Variants in FRMD6 observed in about 807,000 individuals in gnomAD.
FRMD6 encodes the protein FERM domain-containing protein 6.
A neutral mutation model predicts 73.2 loss-of-function variants in FRMD6; 37 were observed. The ratio of observed to expected loss-of-function variants is 0.51; its 90% confidence interval spans 0.39 to 0.66. FRMD6 has a LOEUF of 0.66. Ranked by LOEUF, FRMD6 falls within the 30% of genes least tolerant of loss-of-function variation. FRMD6 has a pLI of 0.00. For missense variants in FRMD6, 714 were observed against 780.5 expected, an observed-to-expected ratio of 0.91 and a Z score of 1.02; for synonymous variants, 273 against 282.2, an observed-to-expected ratio of 0.97 and a Z score of 0.33.
chr14:51,685,421 T>G (rs1212426532), intron 1 of FRMD6, among the ~76,000 whole-genome samples: 1 of 152,226 alleles, frequency 6.6e-6, no homozygotes, highest in Admixed American at 6.5e-5. Context: ...TATCATATGC[T>G]TATTGTCTGT....
the FRMD6 span, among the ~76,000 whole-genome samples, chr14:51,400,542 C>A: frequency 6.6e-6 from 1 of 152,250 alleles, no homozygotes; most frequent in African/African-American, 2.4e-5. Flanking sequence ...TTTATCCAGT[C>A]TTTCTAAAAA....
intron 1 of FRMD6, among the ~76,000 whole-genome samples, chr14:51,520,524 C>T (rs904075503): frequency 6.6e-6 from 1 of 152,182 alleles, no homozygotes; most frequent in African/African-American, 2.4e-5. Context: ...TAGTCAAATA[C>T]TAGAAACACC....
the FRMD6 span, among the ~76,000 whole-genome samples, chr14:51,469,507 G>A: frequency 6.6e-6 from 1 of 150,924 alleles, no homozygotes; most frequent in African/African-American, 2.4e-5. Flanking sequence ...CAGCTACTCG[G>A]GAGGCTGAGG....
At chr14:51,603,053 CCCTCATGA>C (rs1890101579) in intron 2 of FRMD6, among the ~76,000 whole-genome samples, 1 of 152,172 alleles carries the variant, frequency 6.6e-6, no homozygotes, top group African/African-American at 2.4e-5. Flanking sequence ...GAGGGCTGAG[CCCTCATGA>C]ATGAGATTAG....
chr14:51,421,882 G>T, the FRMD6 span, among the ~76,000 whole-genome samples: 1 of 152,166 alleles, frequency 6.6e-6, no homozygotes, highest in Non-Finnish European at 1.5e-5. Context: ...CCCTTGCTCT[G>T]GTGGCACTTG....
chr14:51,708,164 T>C lies in FRMD6; in HGVS notation c.645T>C (p.Ala215=). The C allele has an allele frequency of 6.2e-7, 1 of 1,613,296 alleles. No homozygotes were observed. The highest frequency in any genetic ancestry group is 8.5e-7 in the Non-Finnish European group (1 of 1,179,486). Residue 215 remains alanine (A), a synonymous_variant, in exon 7 of 14, where the codon GCT becomes GCC. Coordinates refer to ENST00000344768, the MANE Select transcript of FRMD6 (RefSeq NM_001267046.2). ...KDQFALTASE[A]HLKYIKEAVR... ...AGTTTGCACTAACAGCTTCCGAAGC[T>C]CATCTTAAATATATCAAAGAGGCTG... is the stretch of plus-strand genomic sequence containing the variant.
At chr14:51,468,923 T>C in the FRMD6 span, among the ~76,000 whole-genome samples, 1 of 152,114 alleles carries the variant, frequency 6.6e-6, no homozygotes, top group Non-Finnish European at 1.5e-5. Flanking sequence ...TTACATTTGG[T>C]TTTTTTGTTT....
intron 2 of FRMD6, among the ~76,000 whole-genome samples, chr14:51,587,377 A>G (rs1406609670): frequency 6.6e-6 from 1 of 152,184 alleles, no homozygotes; most frequent in Non-Finnish European, 1.5e-5. Context: ...GTTTAGCTTT[A>G]TTGAGGGCAG....
chr14:51,596,261 G>GTGTA (rs1485635717), intron 2 of FRMD6, among the ~76,000 whole-genome samples: 5 of 152,000 alleles, frequency 3.3e-5, no homozygotes, highest in Admixed American at 6.5e-5. Context: ...GTGTGTGTGT[G>GTGTA]TGTGTGTGTG....
intron 2 of FRMD6, among the ~76,000 whole-genome samples, chr14:51,691,422 A>G (rs527268769): frequency 6.6e-6 from 1 of 152,232 alleles, no homozygotes; most frequent in Non-Finnish European, 1.5e-5. Flanking sequence ...TATGGTAATC[A>G]GTGTCATGCC....
the FRMD6 span, among the ~76,000 whole-genome samples, chr14:51,426,767 A>AAAG: frequency 6.6e-6 from 1 of 152,074 alleles, no homozygotes; most frequent in Non-Finnish European, 1.5e-5. Flanking sequence ...CTTTCTCTTG[A>AAAG]ACTCCAAGCT....
chr14:51,641,595 T>C (rs868758210), intron 2 of FRMD6, among the ~76,000 whole-genome samples: 2 of 152,144 alleles, frequency 1.3e-5, no homozygotes, highest in South Asian at 4.1e-4. Flanking sequence ...TCTCACTCTT[T>C]AGGTCCCAAA....
intron 2 of FRMD6, among the ~76,000 whole-genome samples, chr14:51,628,865 T>C (rs1223148403): frequency 2.3e-5 from 2 of 87,816 alleles, no homozygotes; most frequent in Non-Finnish European, 5.1e-5. Context: ...ATCTACCTTT[T>C]TCTTTTCTTT....
the FRMD6 span, among the ~76,000 whole-genome samples, chr14:51,478,567 G>C: frequency 6.6e-6 from 1 of 152,216 alleles, no homozygotes; most frequent in Admixed American, 6.5e-5. Flanking sequence ...TTGATCTGAA[G>C]TGGGAGGGAG....
chr14:51,705,583 C>A (rs993663778), intron 6 of FRMD6, among the ~76,000 whole-genome samples: 56 of 152,198 alleles, frequency 3.7e-4, no homozygotes, highest in African/African-American at 1.3e-3. Flanking sequence ...ACCCACCCAT[C>A]CTTGAGAAAG....
the FRMD6 span, among the ~76,000 whole-genome samples, chr14:51,473,536 C>A: frequency 2.0e-5 from 3 of 152,162 alleles, no homozygotes; most frequent in Non-Finnish European, 4.4e-5. Context: ...ACACACCCTC[C>A]ATTGAGGAAA....
chr14:51,452,401 G>A, the FRMD6 span, among the ~76,000 whole-genome samples: 1 of 152,204 alleles, frequency 6.6e-6, no homozygotes, highest in Non-Finnish European at 1.5e-5. Context: ...AATGGGAATG[G>A]TTGGTCACTC....
intron 1 of FRMD6, among the ~76,000 whole-genome samples, chr14:51,524,415 T>C (rs1259170553): frequency 6.6e-6 from 1 of 152,124 alleles, no homozygotes; most frequent in Admixed American, 6.5e-5. Context: ...TGCATGACCT[T>C]AGTAGGTGTT....
intron 2 of FRMD6, among the ~76,000 whole-genome samples, chr14:51,596,050 T>G (rs1889694875): frequency 6.6e-6 from 1 of 152,228 alleles, no homozygotes; most frequent in South Asian, 2.1e-4. Context: ...GTCTTGTCAC[T>G]TGCAGAACTA....
Sources: allele counts gnomAD v4.1 joint callset (sites outside exome capture counted in the v4.1 genomes callset), GRCh38; gene constraint gnomAD v4.1.1; transcripts MANE v1.5; gene names NCBI Gene and HGNC (gene_info 2026-07-23, HGNC 2026-07-21).